The following RPS6KC1 variants were observed in gnomAD, a reference collection of about 807,000 sequenced individuals.
The protein encoded by RPS6KC1 is ribosomal protein S6 kinase C1.
A neutral mutation model predicts 103.8 loss-of-function variants in RPS6KC1; 54 were observed. The observed-to-expected ratio is 0.52, with a 90% confidence interval of 0.42 to 0.65. The LOEUF (loss-of-function observed/expected upper bound fraction) is 0.65, where lower values mean the gene tolerates loss of function less well. RPS6KC1 is among the 30% of genes least tolerant of loss of function. RPS6KC1 has a pLI of 0.00. For synonymous variants in RPS6KC1, 439 were observed against 438.7 expected (o/e 1.00, Z -0.01); for missense variants, 1,151 against 1,253.8 (o/e 0.92, Z 1.24).
the RPS6KC1 span, among the ~76,000 whole-genome samples, chr1:213,486,886 C>T: frequency 2.0e-5 from 3 of 152,316 alleles, no homozygotes; most frequent in South Asian, 2.1e-4. Flanking sequence ...TCACCATTTA[C>T]AGCTCTCTGG....
chr1:213,365,760 G>A, the RPS6KC1 span, among the ~76,000 whole-genome samples: 1 of 152,122 alleles, frequency 6.6e-6, no homozygotes, highest in African/African-American at 2.4e-5. Context: ...TCTAGAGCAG[G>A]GGTCTGCAAA....
the RPS6KC1 span, among the ~76,000 whole-genome samples, chr1:213,822,769 A>G: frequency 6.6e-6 from 1 of 152,162 alleles, no homozygotes; most frequent in Non-Finnish European, 1.5e-5. Context: ...AAGTTCTTTT[A>G]GCTCTAACCT....
At chr1:213,347,160 A>T in the RPS6KC1 span, among the ~76,000 whole-genome samples, 1 of 152,190 alleles carries the variant, frequency 6.6e-6, no homozygotes, top group East Asian at 1.9e-4. Context: ...TAAATTAGTA[A>T]ATATACTTCA....
the RPS6KC1 span, among the ~76,000 whole-genome samples, chr1:213,455,919 G>A: frequency 1.3e-5 from 2 of 152,104 alleles, no homozygotes; most frequent in African/African-American, 4.8e-5. Context: ...ATAGCCGAAG[G>A]CCCCCAGGAG....
chr1:213,854,978 G>A, the RPS6KC1 span, among the ~76,000 whole-genome samples: 2 of 152,298 alleles, frequency 1.3e-5, no homozygotes, highest in African/African-American at 4.8e-5. Flanking sequence ...GGCCTGTTTG[G>A]TTTCTGGTGA....
At chr1:213,752,989 T>C in the RPS6KC1 span, among the ~76,000 whole-genome samples, 1 of 152,160 alleles carries the variant, frequency 6.6e-6, no homozygotes, top group South Asian at 2.1e-4. Context: ...GCCTGCATCG[T>C]CAGTTTCCAG....
chr1:213,726,617 T>C, the RPS6KC1 span, among the ~76,000 whole-genome samples: 1 of 152,218 alleles, frequency 6.6e-6, no homozygotes, highest in Non-Finnish European at 1.5e-5. Flanking sequence ...TGCTTAAGCA[T>C]CTAAGAATAC....
At chr1:213,458,698 G>A in the RPS6KC1 span, among the ~76,000 whole-genome samples, 3 of 152,176 alleles carry the variant, frequency 2.0e-5, no homozygotes, top group East Asian at 1.9e-4. Context: ...GGTTTTCAAA[G>A]GGAGTGATTC....
At chr1:213,443,785 G>T in the RPS6KC1 span, among the ~76,000 whole-genome samples, 2 of 152,114 alleles carry the variant, frequency 1.3e-5, no homozygotes, top group Non-Finnish European at 2.9e-5. Flanking sequence ...AGGTGTGGTG[G>T]TGCATGCCTA....
chr1:213,191,189 AT>A (rs2092732009), intron 8 of RPS6KC1, among the ~76,000 whole-genome samples: 1 of 152,174 alleles, frequency 6.6e-6, no homozygotes, highest in African/African-American at 2.4e-5. Flanking sequence ...GAGGAATGCC[AT>A]TAGTATTTTG....
At chr1:213,855,252 T>C in the RPS6KC1 span, among the ~76,000 whole-genome samples, 1 of 152,258 alleles carries the variant, frequency 6.6e-6, no homozygotes, top group Non-Finnish European at 1.5e-5. Flanking sequence ...ATACAGCAGA[T>C]GTCTATTTCA....
chr1:213,632,974 A>G, the RPS6KC1 span, among the ~76,000 whole-genome samples: 2 of 152,194 alleles, frequency 1.3e-5, no homozygotes, highest in Non-Finnish European at 1.5e-5. Context: ...TTAATTAAAT[A>G]AAGTGAGGAG....
the RPS6KC1 span, among the ~76,000 whole-genome samples, chr1:213,752,775 G>A: frequency 6.6e-6 from 1 of 152,200 alleles, no homozygotes; most frequent in Admixed American, 6.5e-5. Flanking sequence ...TATTGAAAAT[G>A]GATTGAGCAT....
the RPS6KC1 span, among the ~76,000 whole-genome samples, chr1:213,401,003 G>A: frequency 2.6e-5 from 4 of 152,066 alleles, no homozygotes; most frequent in East Asian, 1.9e-4. Flanking sequence ...CACCGTGCTC[G>A]TCCCCTTTTG....
chr1:213,429,229 C>A, the RPS6KC1 span, among the ~76,000 whole-genome samples: 2 of 152,282 alleles, frequency 1.3e-5, no homozygotes, highest in South Asian at 2.1e-4. Context: ...CAGCTCACTG[C>A]AACCTCTGCC....
chr1:213,747,820 CA>C, the RPS6KC1 span, among the ~76,000 whole-genome samples: 1 of 152,084 alleles, frequency 6.6e-6, no homozygotes, highest in Non-Finnish European at 1.5e-5. Flanking sequence ...AAGTTCAGAA[CA>C]AATAGAGTGG....
chr1:213,142,908 T>C (rs894865343), intron 6 of RPS6KC1, among the ~76,000 whole-genome samples: 23 of 152,106 alleles, frequency 1.5e-4, no homozygotes, highest in Non-Finnish European at 2.9e-5. Flanking sequence ...TGTGACTTGC[T>C]TTATCATCAA....
At chr1:213,703,454 C>T in the RPS6KC1 span, among the ~76,000 whole-genome samples, 2 of 152,258 alleles carry the variant, frequency 1.3e-5, no homozygotes, top group South Asian at 4.1e-4. Context: ...TCTGTACCTC[C>T]AAGTAATTTC....
the RPS6KC1 span, among the ~76,000 whole-genome samples, chr1:213,738,495 G>C: frequency 6.6e-6 from 1 of 152,074 alleles, no homozygotes; most frequent in African/African-American, 2.4e-5. Flanking sequence ...GTAATGAGCC[G>C]CTTAGAGCTC....
Sources: allele counts gnomAD v4.1 joint callset (sites outside exome capture counted in the v4.1 genomes callset), GRCh38; gene constraint gnomAD v4.1.1; transcripts MANE v1.5; gene names NCBI Gene and HGNC (gene_info 2026-07-23, HGNC 2026-07-21).